The following RORB variants were observed in gnomAD, a reference collection of about 807,000 sequenced individuals.
RORB encodes the protein RAR related orphan receptor B.
Under a neutral mutation model 59.1 loss-of-function variants are expected in RORB, and 6 were observed. That is an observed-to-expected ratio of 0.10 (90% CI 0.06 to 0.20). RORB has a LOEUF of 0.20. RORB is among the 10% of genes least tolerant of loss of function. The pLI is 1.00. For missense variants in RORB, 320 were observed against 560.5 expected, an observed-to-expected ratio of 0.57 and a Z score of 4.33; for synonymous variants, 215 against 204.5, an observed-to-expected ratio of 1.05 and a Z score of -0.44.
intron 6 of RORB, among the ~76,000 whole-genome samples, chr9:74,663,389 G>A (rs561972078): frequency 5.3e-5 from 8 of 152,280 alleles, no homozygotes; most frequent in African/African-American, 1.9e-4. Flanking sequence ...AGGAGGAAAA[G>A]ATTCAGAGAA....
At chr9:74,505,966 G>C (rs1339816384) in intron 1 of RORB, among the ~76,000 whole-genome samples, 3 of 150,008 alleles carry the variant, frequency 2.0e-5, no homozygotes, top group Non-Finnish European at 4.4e-5. Flanking sequence ...AGAGGGTACA[G>C]CTTGTTTTAA....
intron 4 of RORB, among the ~76,000 whole-genome samples, chr9:74,654,059 C>T (rs1824038956): frequency 6.6e-6 from 1 of 152,136 alleles, no homozygotes; most frequent in African/African-American, 2.4e-5. Flanking sequence ...CCAAACTTTG[C>T]TTAACTGTGT....
rs149511392 is a variant in RORB at position 74,561,848 on chromosome 9, T to C, written c.7+63865T>C. Reference sequence around the variant, plus strand: ...TTCCATGTGCATTTAGTTGATGATGTGTTTCTCTAATCTATGAGAATCTCT... The same window carrying C: ...TTCCATGTGCATTTAGTTGATGATGCGTTTCTCTAATCTATGAGAATCTCT... On this transcript the variant is annotated intron_variant, in intron 1 of 9. Transcript: ENST00000376896. 9.2e-5 allele frequency among the ~76,000 whole-genome samples: 14 copies of C among 152,366 alleles called. No homozygotes were observed. The East Asian group carries it at 2.5e-3, about 27-fold the overall frequency.
At chr9:74,579,497 T>C (rs1334345005) in intron 1 of RORB, among the ~76,000 whole-genome samples, 3 of 152,158 alleles carry the variant, frequency 2.0e-5, no homozygotes, top group African/African-American at 4.8e-5. Flanking sequence ...GTCAGTTTTT[T>C]TTCTCCTGGT....
Position 74,661,545 on chromosome 9 carries a change from C to A in RORB, c.759+807C>A, listed in dbSNP as rs546225510. 3.5e-4 allele frequency among the ~76,000 whole-genome samples: 53 copies of A among 150,744 alleles called. 1 individual carries two copies. Among genetic ancestry groups the A allele is most frequent in the African/African-American group, 1.2e-3 (49 of 41,014 alleles). On this transcript the variant is annotated intron_variant, in intron 5 of 9. Transcript: ENST00000376896. ...TCTGTTTCTCATTTCAAAAAATAAA[C>A]TGAGGACTAAAAAATATTTGGGTGA...
At chr9:74,566,682 A>G (rs977411305) in intron 1 of RORB, among the ~76,000 whole-genome samples, 1 of 152,206 alleles carries the variant, frequency 6.6e-6, no homozygotes, top group Non-Finnish European at 1.5e-5. Flanking sequence ...CTGTAGTCCC[A>G]GGTACTCGCA....
At chr9:74,530,156 A>C (rs894180859) in intron 1 of RORB, among the ~76,000 whole-genome samples, 1 of 152,090 alleles carries the variant, frequency 6.6e-6, no homozygotes, top group African/African-American at 2.4e-5. Context: ...TCACATAAGC[A>C]AAATATTTTC....
At chr9:74,646,363 T>A (rs892367642) in intron 4 of RORB, among the ~76,000 whole-genome samples, 1 of 152,094 alleles carries the variant, frequency 6.6e-6, no homozygotes, top group African/African-American at 2.4e-5. Flanking sequence ...ATAACACAAC[T>A]ATATGAGCAA....
At chr9:74,614,363 T>A (rs1823276702) in intron 1 of RORB, among the ~76,000 whole-genome samples, 2 of 152,158 alleles carry the variant, frequency 1.3e-5, no homozygotes, top group Admixed American at 1.3e-4. Context: ...ATCACTTTTT[T>A]AAATTAAAAG....
At chr9:74,539,540 ACT>A in intron 1 of RORB, among the ~76,000 whole-genome samples, 1 of 152,170 alleles carries the variant, frequency 6.6e-6, no homozygotes, top group African/African-American at 2.4e-5. Flanking sequence ...CATTCGAGAC[ACT>A]GTTTTAAAGT....
At chr9:74,665,400 C>A (rs540502105) in intron 6 of RORB, 88 bp from the exon 7 acceptor site, 5 of 676,852 alleles carry the variant, frequency 7.4e-6, no homozygotes, top group Admixed American at 6.0e-5. Flanking sequence ...TCTTGAAAGT[C>A]TCTTACCTAT....
rs2118526020 is a variant in RORB at position 74,665,533 on chromosome 9, C to A, written c.938C>A (p.Pro313Gln). The change falls in exon 7 of 10, where the codon CCA (proline) becomes CAA (glutamine). Residue 313 changes from proline (P) to glutamine (Q), a missense_variant. Around this residue, in one of 4 missense-constraint regions of RORB, gnomAD observed 109 missense variants for 171.0 expected, o/e 0.64. Transcript: ENST00000376896. The stretch of plus-strand genomic sequence containing the variant: ...GTGAGAATGTGCCGTGCCTTCAACC[C>A]ATTAAACAACACTGTTCTGTTTGAA... ...VLVRMCRAFN[P>Q]LNNTVLFEGK... 6.2e-7 allele frequency: 1 copy of A among 1,612,622 alleles called. No individual in the cohort carries two copies. Among genetic ancestry groups the A allele is most frequent in the Non-Finnish European group, 8.5e-7 (1 of 1,179,118 alleles).
intron 1 of RORB, among the ~76,000 whole-genome samples, chr9:74,556,286 A>G (rs1025549405): frequency 2.0e-5 from 3 of 152,224 alleles, no homozygotes; most frequent in Non-Finnish European, 4.4e-5. Flanking sequence ...TTGTAGAAAC[A>G]CAAGGGCCTC....
intron 1 of RORB, among the ~76,000 whole-genome samples, chr9:74,529,572 T>A (rs576059628): frequency 4.1e-4 from 62 of 151,768 alleles, no homozygotes; most frequent in Non-Finnish European, 5.0e-4. Context: ...TAGTAAAATA[T>A]ACTATTAATA....
At chr9:74,669,895 A>G (rs897454598) in intron 8 of RORB, among the ~76,000 whole-genome samples, 1 of 152,168 alleles carries the variant, frequency 6.6e-6, no homozygotes, top group Non-Finnish European at 1.5e-5. Flanking sequence ...TACAGTTTTT[A>G]TGTTAGGCTT....
rs1256842167 is a variant in RORB at position 74,686,931 on chromosome 9, C to T, written c.*1313C>T. ...GAACTAATGTACCCCAAAGCCAAAA[C>T]TAATTCCTGTGAAGTTTACAGTTAC... On this transcript the variant is annotated 3_prime_UTR_variant, in exon 10 of 10. Coordinates refer to ENST00000376896, the MANE Select transcript of RORB (RefSeq NM_006914.4). The T allele has an allele frequency of 6.6e-6, 1 of 152,130 alleles. No homozygotes were observed. Among genetic ancestry groups the T allele is most frequent in the Admixed American group, 6.6e-5 (1 of 15,250 alleles). 9.4% of individuals were successfully genotyped at this position (152,130 alleles called of 1,614,324 possible). A position where few individuals can be genotyped will look rare whatever the true frequency, so the allele number is the denominator to read the frequency against.
intron 4 of RORB, among the ~76,000 whole-genome samples, chr9:74,654,990 A>AT (rs1188912421): frequency 6.6e-6 from 1 of 152,198 alleles, no homozygotes; most frequent in Non-Finnish European, 1.5e-5. Flanking sequence ...TACACACCCA[A>AT]TTTTTCCTTG....
chr9:74,522,554 C>G (rs1223704506), intron 1 of RORB, among the ~76,000 whole-genome samples: 3 of 151,774 alleles, frequency 2.0e-5, no homozygotes, highest in Non-Finnish European at 2.9e-5. Flanking sequence ...GGTAATACAG[C>G]AGTGGATGGG....
At chr9:74,567,524 G>A (rs1274739292) in intron 1 of RORB, among the ~76,000 whole-genome samples, 3 of 152,124 alleles carry the variant, frequency 2.0e-5, no homozygotes, top group Non-Finnish European at 4.4e-5. Context: ...GAAAAGTCAA[G>A]TTCCCCAATG....
Sources: gnomAD v4.1 joint callset for allele counts (sites outside exome capture counted in the v4.1 genomes callset) on GRCh38, gnomAD v4.1.1 for gene constraint, gnomAD v4.1.1 regional missense constraint, MANE v1.5 for transcripts, NCBI Gene and HGNC (gene_info 2026-07-23, HGNC 2026-07-21) for gene names.